Variants in C11orf58 observed in about 807,000 individuals in gnomAD.
C11orf58 encodes the protein chromosome 11 open reading frame 58.
C11orf58 carries 5 observed loss-of-function variants against 22.7 expected under a neutral mutation model. The ratio of observed to expected loss-of-function variants is 0.22; its 90% CI spans 0.12 to 0.46. The LOEUF (loss-of-function observed/expected upper bound fraction) is 0.46. Ranked by LOEUF, C11orf58 falls within the 20% of genes least tolerant of loss-of-function variation. The pLI, the probability that C11orf58 is intolerant of heterozygous loss-of-function variation, is 0.99. For synonymous variants in C11orf58, 71 were observed against 70.7 expected (o/e 1.00, Z -0.02); for missense variants, 151 against 223.3 (o/e 0.68, Z 2.06).
intron 4 of C11orf58, among the ~76,000 whole-genome samples, chr11:16,753,458 C>T (rs572338754): frequency 2.0e-5 from 3 of 151,352 alleles, no homozygotes; most frequent in African/African-American, 7.3e-5. Context: ...TTCCACCTCC[C>T]GGGTTCAAGC....
Position 16,756,263 on chromosome 11 carries a change from A to ATTTTTTT in C11orf58, c.*1177_*1183dup, listed in dbSNP as rs779195786. The ATTTTTTT allele has an allele frequency of 6.3e-5, 6 of 95,668 alleles. No homozygotes were observed. Among genetic ancestry groups the ATTTTTTT allele is most frequent in the African/African-American group, 1.2e-4 (3 of 24,980 alleles). 5.9% of individuals were successfully genotyped at this position (95,668 alleles called of 1,614,324 possible). ...TTAAAGGATGTATTTGGAGTGTTGGATTTTTTTTTTTTTTTTTTTTTTTTG... is the reference window on the plus strand; with the variant it reads ...TTAAAGGATGTATTTGGAGTGTTGGATTTTTTTTTTTTTTTTTTTTTTTTTTTTTTTG... On this transcript the variant is annotated 3_prime_UTR_variant, in exon 5 of 5. Transcript: ENST00000228136.
chr11:16,753,735 C>T (rs1848551649), intron 4 of C11orf58: 7 of 393,770 alleles, frequency 1.8e-5, no homozygotes, highest in Non-Finnish European at 3.1e-5. Flanking sequence ...CATTAGAGTA[C>T]CTTTCTTTCC....
At position 16,756,678 on chromosome 11, in the gene C11orf58, G is replaced by A. The variant is rs1048730771; in HGVS notation, c.*1574G>A. On this transcript the variant is annotated 3_prime_UTR_variant, in exon 5 of 5. Coordinates refer to ENST00000228136, the MANE Select transcript of C11orf58 (RefSeq NM_014267.6). The stretch of plus-strand genomic sequence containing the variant: ...AATCCCAGCACTTTGGGAGGCCGAG[G>A]TGGCTGGATCACCTGAAGTCAGGAG... 6.6e-6 allele frequency: 1 copy of A among 151,816 alleles called. No individual in the cohort carries two copies. 9.4% of individuals were successfully genotyped at this position (151,816 alleles called of 1,614,324 possible).
At position 16,754,729 on chromosome 11, in the gene C11orf58, A is replaced by G. The variant is rs188451507; in HGVS notation, c.319-142A>G. ...GCCCAGCCAGACAGAGCTCTTTCTT[A>G]AAATTCTACTCAAGTCTTAAAGCTG... On this transcript the variant is annotated intron_variant, in intron 4 of 4. Transcript: ENST00000228136. 2,042 of 1,375,856 alleles carry G rather than the reference A, an allele frequency of 1.5e-3. 22 individuals are homozygous for G. The African/African-American group carries it at 0.027, about 18-fold the overall frequency. The allele number at this position is 1,375,856 out of a possible 1,614,324, so 85.2% of individuals were successfully genotyped here.
intron 3 of C11orf58, chr11:16,748,738 C>G (rs1258217590): frequency 6.6e-6 from 1 of 151,302 alleles, no homozygotes; most frequent in Non-Finnish European, 1.5e-5. Context: ...GAGTGCAACT[C>G]TGTCTCCAAA....
chr11:16,743,683 AGAT>A (rs1454732292), intron 1 of C11orf58, among the ~76,000 whole-genome samples: 2 of 152,194 alleles, frequency 1.3e-5, no homozygotes. Flanking sequence ...ATGTCTTGAA[AGAT>A]GATGATGAAA....
chr11:16,738,840 A>G lies in C11orf58; in HGVS notation c.62A>G (p.Asp21Gly), dbSNP rs1334606418. The G allele has an allele frequency of 6.2e-7, 1 of 1,614,064 alleles. No individual in the cohort carries two copies. Among genetic ancestry groups the G allele is most frequent in the Non-Finnish European group, 8.5e-7 (1 of 1,179,988 alleles). The change falls in exon 1 of 5, where the codon GAT (aspartate) becomes GGT (glycine). Residue 21 changes from aspartate (D) to glycine (G), a missense_variant and splice_region_variant. Transcript: ENST00000228136. ...GVKRSASPDD[D>G]LGSSNWEAAD... ...AAGCGTTCAGCCTCCCCAGACGACG[A>G]TGTAAATAATAATGGCGGAGTGGCT...
intron 2 of C11orf58, among the ~76,000 whole-genome samples, chr11:16,746,284 C>T (rs535590000): frequency 6.6e-6 from 1 of 152,284 alleles, no homozygotes; most frequent in Non-Finnish European, 1.5e-5. Context: ...TCTCATTAAT[C>T]GAGATTTCCC....
rs1359468128 is a variant in C11orf58, at chr11:16,756,751, A to G, written c.*1647A>G. 6.6e-6 allele frequency: 1 copy of G among 151,646 alleles called. No homozygotes were observed. Among genetic ancestry groups the G allele is most frequent in the African/African-American group, 2.4e-5 (1 of 41,294 alleles). The allele number at this position is 151,646 out of a possible 1,614,324, so 9.4% of individuals were successfully genotyped here. The stretch of plus-strand genomic sequence containing the variant: ...TGGAGAAACCCCATCTCTACTAAAA[A>G]TACAAAATTAGCTGGGCGTGGTGGT... On this transcript the variant is annotated 3_prime_UTR_variant, in exon 5 of 5. Coordinates refer to ENST00000228136, the MANE Select transcript of C11orf58 (RefSeq NM_014267.6).
intron 3 of C11orf58, chr11:16,749,093 A>T (rs1848511471): frequency 6.6e-6 from 1 of 152,218 alleles, no homozygotes; most frequent in African/African-American, 2.4e-5. Flanking sequence ...ATAAGCTTTT[A>T]AAATAATTTT....
intron 2 of C11orf58, 150 bp downstream of exon 2, chr11:16,744,834 C>A: frequency 1.5e-6 from 1 of 661,020 alleles, no homozygotes; most frequent in Non-Finnish European, 2.5e-6. Context: ...GTGGCCTAAC[C>A]AAGCACATAA....
chr11:16,740,673 C>T (rs1013227555), intron 1 of C11orf58, among the ~76,000 whole-genome samples: 1 of 151,900 alleles, frequency 6.6e-6, no homozygotes, highest in Non-Finnish European at 1.5e-5. Context: ...CTGCCCACCT[C>T]GGCCTCCCAA....
chr11:16,757,892 T>A lies in C11orf58; in HGVS notation c.*2788T>A, dbSNP rs905706507. ...AGAGAATTGAAGGTACAGAAAAAAA[T>A]TCTGGAGTGCCTGAACCACAGTTTG... is the stretch of plus-strand genomic sequence containing the variant. On this transcript the variant is annotated 3_prime_UTR_variant, in exon 5 of 5. Coordinates refer to ENST00000228136, the MANE Select transcript of C11orf58 (RefSeq NM_014267.6). 6.6e-6 allele frequency among the ~76,000 whole-genome samples: 1 copy of A among 152,178 alleles called. No individual in the cohort carries two copies. Among genetic ancestry groups the A allele is most frequent in the African/African-American group, 2.4e-5 (1 of 41,454 alleles).
At chr11:16,739,470 A>G (rs531920967) in intron 1 of C11orf58, 1 of 152,920 alleles carries the variant, frequency 6.5e-6, no homozygotes, top group South Asian at 2.1e-4. Context: ...TCGTCTCCCC[A>G]TCAAATGCCG....
chr11:16,740,292 A>G lies in C11orf58; in HGVS notation c.63+1451A>G, dbSNP rs1181804499. On this transcript the variant is annotated intron_variant, in intron 1 of 4. Transcript: ENST00000228136. ...AGGTGATATGAAATTTAACAAAGTT[A>G]AAGGGATTAAGTCATTAAGTTTACA... Among the ~76,000 whole-genome samples, 3 of 152,354 alleles carry G rather than the reference A, an allele frequency of 2.0e-5. No homozygotes were observed. The East Asian group carries it at 5.8e-4, about 29-fold the overall frequency.
chr11:16,747,845 T>C (rs1042134162), intron 2 of C11orf58: 5 of 276,358 alleles, frequency 1.8e-5, no homozygotes, highest in Non-Finnish European at 3.4e-5. Context: ...CTCTACTCCT[T>C]ACTCAGGTCT....
At chr11:16,739,796 T>C (rs1848430920) in intron 1 of C11orf58, among the ~76,000 whole-genome samples, 1 of 152,118 alleles carries the variant, frequency 6.6e-6, no homozygotes, top group South Asian at 2.1e-4. Context: ...TTTTTTTCGG[T>C]TTTGTTTAAA....
chr11:16,738,734 G>T lies in C11orf58; in HGVS notation c.-45G>T. ...AAGCTGCTGGTTTTGCGGCTGGGAAGAGCGGCGAGAGGGTTCGGCATTTTT... is the reference window on the plus strand; with the variant it reads ...AAGCTGCTGGTTTTGCGGCTGGGAATAGCGGCGAGAGGGTTCGGCATTTTT... On this transcript the variant is annotated 5_prime_UTR_variant, in exon 1 of 5. Coordinates refer to ENST00000228136, the MANE Select transcript of C11orf58 (RefSeq NM_014267.6). 6.2e-7 allele frequency: 1 copy of T among 1,608,146 alleles called. No homozygotes were observed.
At chr11:16,738,900 G>A (rs1318584802) in intron 1 of C11orf58, 59 bp downstream of exon 1, 2 of 1,596,094 alleles carry the variant, frequency 1.3e-6, no homozygotes, top group African/African-American at 2.7e-5. Flanking sequence ...GGAGTAGGCC[G>A]GGAAGGGTGG....
Sources: allele counts gnomAD v4.1 joint callset (sites outside exome capture counted in the v4.1 genomes callset), GRCh38; gene constraint gnomAD v4.1.1; transcripts MANE v1.5; gene names NCBI Gene and HGNC (gene_info 2026-07-23, HGNC 2026-07-21).